Variants in JAK2 observed in about 807,000 individuals in gnomAD.
The protein encoded by JAK2 is tyrosine-protein kinase JAK2.
A neutral mutation model predicts 139.3 loss-of-function variants in JAK2; 86 were observed. That is an observed-to-expected ratio of 0.62 (90% CI 0.52 to 0.74). The LOEUF is 0.74. Among genes scored for constraint, JAK2 ranks in the 30% least tolerant of loss-of-function variants. JAK2 has a pLI of 0.00. For missense variants in JAK2, 1,421 were observed against 1,360.3 expected (o/e 1.04, Z -0.70); for synonymous variants, 490 against 437.7 (o/e 1.12, Z -1.49).
intron 2 of JAK2, among the ~76,000 whole-genome samples, chr9:5,001,130 C>A: frequency 6.6e-6 from 1 of 152,094 alleles, no homozygotes; most frequent in Non-Finnish European, 1.5e-5. Context: ...TTGATAAATA[C>A]AATCATGTCT....
In JAK2 at chr9:5,126,887, T is replaced by C. The variant is rs1824035917; in HGVS notation, c.*96T>C. 1 of 604,700 alleles carries C rather than the reference T, an allele frequency of 1.7e-6. No homozygotes were observed. Among genetic ancestry groups the C allele is most frequent in the Non-Finnish European group, 2.7e-6 (1 of 364,630 alleles). The allele number at this position is 604,700 out of a possible 1,614,324, so 37.5% of individuals were successfully genotyped here. A position where few individuals can be genotyped will look rare whatever the true frequency, so the allele number is the denominator to read the frequency against. Reference sequence around the variant, plus strand: ...ACTATTATTACATATATCATTATTATATAAATCATGATGCTAGCCAGCAAA... The same window carrying C: ...ACTATTATTACATATATCATTATTACATAAATCATGATGCTAGCCAGCAAA... On this transcript the variant is annotated 3_prime_UTR_variant, in exon 25 of 25. Coordinates refer to ENST00000381652, the MANE Select transcript of JAK2 (RefSeq NM_004972.4).
intron 8 of JAK2, among the ~76,000 whole-genome samples, chr9:5,057,771 C>G (rs1586716591): frequency 6.6e-6 from 1 of 151,738 alleles, no homozygotes; most frequent in African/African-American, 2.4e-5. Context: ...TTAGTAGAGA[C>G]GGGGTTTCAC....
intron 21 of JAK2, 51 bp downstream of exon 21, chr9:5,090,621 A>AG: frequency 6.5e-7 from 1 of 1,540,516 alleles, no homozygotes; most frequent in Non-Finnish European, 8.7e-7. Context: ...GTGTTGAAGT[A>AG]GACATTAGGA....
At position 5,126,464 on chromosome 9, in the gene JAK2, A is replaced by G. The variant is rs376312242; in HGVS notation, c.3291+18A>G. On this transcript the variant is annotated intron_variant, in intron 24 of 24. Coordinates refer to ENST00000381652, the MANE Select transcript of JAK2 (RefSeq NM_004972.4). The stretch of plus-strand genomic sequence containing the variant: ...CAGATGAGGTAACAATTTTTTTTTA[A>G]TCCAGGGTAGTCATGCATTTTCTTT... The G allele has an allele frequency of 6.0e-6, 9 of 1,507,428 alleles. No homozygotes were observed. In the African/African-American group the frequency reaches 1.1e-4, roughly 19 times the overall value. 93.4% of individuals were successfully genotyped at this position (1,507,428 alleles called of 1,614,324 possible).
intron 22 of JAK2, among the ~76,000 whole-genome samples, chr9:5,116,829 G>C (rs565906630): frequency 6.6e-6 from 1 of 152,260 alleles, no homozygotes; most frequent in African/African-American, 2.4e-5. Context: ...TCATAATTAG[G>C]AAAAGTCATA....
intron 22 of JAK2, among the ~76,000 whole-genome samples, chr9:5,102,968 A>G (rs958315547): frequency 5.3e-5 from 8 of 152,172 alleles, no homozygotes; most frequent in Admixed American, 5.2e-4. Flanking sequence ...CATCGATGAT[A>G]GGAAGAAACA....
chr9:5,122,404 C>T (rs1175931760), intron 22 of JAK2, among the ~76,000 whole-genome samples: 1 of 152,016 alleles, frequency 6.6e-6, no homozygotes, highest in East Asian at 1.9e-4. Context: ...TTAAGTCTTG[C>T]CTTGGAACCA....
intron 2 of JAK2, among the ~76,000 whole-genome samples, chr9:4,996,550 G>A (rs775493269): frequency 6.6e-6 from 1 of 151,776 alleles, no homozygotes; most frequent in Non-Finnish European, 1.5e-5. Flanking sequence ...AAATACATGA[G>A]GTATTGTAGA....
intron 12 of JAK2, among the ~76,000 whole-genome samples, chr9:5,070,447 G>A (rs944725447): frequency 6.6e-6 from 1 of 152,068 alleles, no homozygotes; most frequent in Non-Finnish European, 1.5e-5. Context: ...TTGGTTCCAG[G>A]ACTACCCATG....
chr9:5,094,775 G>A (rs1820855249), intron 22 of JAK2: 1 of 151,994 alleles, frequency 6.6e-6, no homozygotes, highest in Non-Finnish European at 1.5e-5. Context: ...TTGTATAAAT[G>A]CCCTGACTAC....
At chr9:5,056,578 C>T (rs946202760) in intron 8 of JAK2, among the ~76,000 whole-genome samples, 2 of 152,156 alleles carry the variant, frequency 1.3e-5, no homozygotes, top group Non-Finnish European at 2.9e-5. Context: ...AGTACACCTA[C>T]TGCCTAGTAG....
chr9:5,094,144 G>A lies in JAK2; in HGVS notation c.3059+3233G>A, dbSNP rs558436447. The A allele has an allele frequency of 2.6e-5, 4 of 152,138 alleles. No individual in the cohort carries two copies. In the South Asian group the frequency reaches 8.3e-4, roughly 32 times the overall value. The allele number at this position is 152,138 out of a possible 1,614,324, so 9.4% of individuals were successfully genotyped here. On this transcript the variant is annotated intron_variant, in intron 22 of 24. Transcript: ENST00000381652. Reference sequence around the variant, plus strand: ...TCCTACTTATATTCCCACTCTAATTGCTATAGCATTCCTTACACTTAACAG... The same window carrying A: ...TCCTACTTATATTCCCACTCTAATTACTATAGCATTCCTTACACTTAACAG...
intron 8 of JAK2, among the ~76,000 whole-genome samples, chr9:5,061,578 G>A (rs12337134): frequency 0.25 from 37,913 of 152,130 alleles, 4,934 homozygotes; most frequent in South Asian, 0.3. Flanking sequence ...GAATTTAAGA[G>A]CATTAGGGTC....
At chr9:5,014,124 A>G (rs1821890539) in intron 2 of JAK2, among the ~76,000 whole-genome samples, 1 of 151,274 alleles carries the variant, frequency 6.6e-6, no homozygotes, top group African/African-American at 2.4e-5. Flanking sequence ...GTGTATGTGT[A>G]CAGTTGATTA....
At chr9:4,987,025 C>T (rs985853216) in intron 2 of JAK2, among the ~76,000 whole-genome samples, 1 of 152,202 alleles carries the variant, frequency 6.6e-6, no homozygotes, top group Non-Finnish European at 1.5e-5. Context: ...TCCGCCTCAC[C>T]TTATACCACT....
intron 8 of JAK2, among the ~76,000 whole-genome samples, chr9:5,057,580 CTTTTTTT>C (rs541931562): frequency 2.6e-5 from 3 of 116,798 alleles, no homozygotes; most frequent in Non-Finnish European, 3.5e-5. Context: ...ATTCTACTTT[CTTTTTTT>C]TTTTTTTTTT....
intron 2 of JAK2, among the ~76,000 whole-genome samples, chr9:5,008,885 C>G (rs921507960): frequency 2.0e-5 from 3 of 152,102 alleles, no homozygotes; most frequent in Non-Finnish European, 4.4e-5. Flanking sequence ...TTATTTCTTA[C>G]TTTTATGCTC....
intron 22 of JAK2, among the ~76,000 whole-genome samples, chr9:5,116,105 G>C (rs1028802044): frequency 4.0e-5 from 6 of 151,718 alleles, no homozygotes; most frequent in Admixed American, 3.3e-4. Flanking sequence ...CTTACATTGG[G>C]CTAAATGCAT....
intron 8 of JAK2, among the ~76,000 whole-genome samples, chr9:5,060,706 A>C (rs888698633): frequency 3.3e-5 from 5 of 152,206 alleles, no homozygotes; most frequent in Non-Finnish European, 7.3e-5. Flanking sequence ...GTTGGAATCA[A>C]CTTCTTCCAA....
Sources: allele counts gnomAD v4.1 joint callset (sites outside exome capture counted in the v4.1 genomes callset), GRCh38; gene constraint gnomAD v4.1.1; transcripts MANE v1.5; gene names NCBI Gene and HGNC (gene_info 2026-07-23, HGNC 2026-07-21).